Variants in PTPRF observed in about 807,000 individuals in gnomAD.
PTPRF encodes the protein protein tyrosine phosphatase receptor type F.
In PTPRF, 59 loss-of-function variants were observed where a neutral mutation model predicts 201.8. The ratio of observed to expected loss-of-function variants is 0.29; its 90% CI spans 0.24 to 0.36. PTPRF has a LOEUF of 0.36. Ranked by LOEUF, PTPRF falls within the 10% of genes least tolerant of loss-of-function variation. The pLI is 1.00. For missense variants in PTPRF, 2,132 were observed against 2,690.5 expected (o/e 0.79, Z 4.59); for synonymous variants, 1,088 against 1,089.7 (o/e 1.00, Z 0.03).
intron 23 of PTPRF, among the ~76,000 whole-genome samples, chr1:43,615,121 A>G (rs1657423149): frequency 6.6e-6 from 1 of 152,154 alleles, no homozygotes; most frequent in African/African-American, 2.4e-5. Flanking sequence ...CTAGGGCTCA[A>G]AGATTGCCTT....
At chr1:43,613,502 C>T in intron 22 of PTPRF, 116 bp from the exon 23 acceptor site, 1 of 854,476 alleles carries the variant, frequency 1.2e-6, no homozygotes, top group Non-Finnish European at 2.0e-6. Flanking sequence ...GCCACCAGTT[C>T]CAAGTGCTCC....
chr1:43,579,433 TC>T, intron 7 of PTPRF: 1 of 352,050 alleles, frequency 2.8e-6, no homozygotes, highest in South Asian at 2.2e-5. Context: ...TCTGGCCAGG[TC>T]TTCCTGGAGC....
chr1:43,531,668 G>GC (rs11318728), intron 1 of PTPRF, among the ~76,000 whole-genome samples: 4 of 150,214 alleles, frequency 2.7e-5, no homozygotes, highest in South Asian at 2.1e-4. Context: ...CGAGTTTGAA[G>GC]CCCCCCCACC....
rs920329185 is a variant in PTPRF, at chr1:43,623,304, A to G, written c.*1301A>G. On this transcript the variant is annotated 3_prime_UTR_variant, in exon 34 of 34. Coordinates refer to ENST00000359947, the MANE Select transcript of PTPRF (RefSeq NM_002840.5). ...CCTCATAAACCAATGTGGCAAGACT[A>G]CTGGACTTCTATCAATGGTACTCTA... The G allele has an allele frequency of 6.5e-6, 1 of 152,750 alleles. No homozygotes were observed. The highest frequency in any genetic ancestry group is 2.1e-4 in the South Asian group (1 of 4,830). The allele number at this position is 152,750 out of a possible 1,614,324, so 9.5% of individuals were successfully genotyped here.
At chr1:43,524,953 C>A (rs1643054395), upstream of PTPRF, among the ~76,000 whole-genome samples, 1 of 152,200 alleles carries the variant, frequency 6.6e-6, no homozygotes, top group Non-Finnish European at 1.5e-5. Flanking sequence ...GTAGTCCCTG[C>A]TTTAAGGGAA....
rs1223064301 is a variant in PTPRF, at chr1:43,554,129, T to C, written c.379+188T>C. Reference sequence around the variant, plus strand: ...CTGGCCTGGATTGTGCGGCTTATGCTGAGGCCAGCCATGTGGGGCATGATG... The same window carrying C: ...CTGGCCTGGATTGTGCGGCTTATGCCGAGGCCAGCCATGTGGGGCATGATG... On this transcript the variant is annotated intron_variant, in intron 5 of 33. Coordinates refer to ENST00000359947, the MANE Select transcript of PTPRF (RefSeq NM_002840.5). This position sits in a 1 kb window ranked among gnomAD's most constrained non-coding sequence, Gnocchi z 4.1. Among the ~76,000 whole-genome samples, 1 of 152,180 alleles carries C rather than the reference T, an allele frequency of 6.6e-6. No individual in the cohort carries two copies. Among genetic ancestry groups the C allele is most frequent in the Admixed American group, 6.5e-5 (1 of 15,290 alleles).
Position 43,619,694 on chromosome 1 carries a change from C to T in PTPRF, c.4947C>T (p.Ser1649=). 1 of 1,614,094 alleles carries T rather than the reference C, an allele frequency of 6.2e-7. No homozygotes were observed. The highest frequency in any genetic ancestry group is 8.5e-7 in the Non-Finnish European group (1 of 1,179,958). The stretch of plus-strand genomic sequence containing the variant: ...CCTCTCAATAGTTGCTGGCCAGCTC[C>T]AAGGCCCACACGTCCCGCTTCATCA... The part of the protein sequence containing the change: ...MELEFKLLAS[S]KAHTSRFISA... Residue 1649 remains serine, a synonymous_variant, in exon 29 of 34, where the codon TCC becomes TCT. Transcript: ENST00000359947.
At chr1:43,552,448 A>G (rs1645096949) in intron 3 of PTPRF, among the ~76,000 whole-genome samples, 1 of 152,206 alleles carries the variant, frequency 6.6e-6, no homozygotes, top group Admixed American at 6.5e-5. Context: ...GACTAAAGAT[A>G]AAGAACCTGG....
intron 8 of PTPRF, 138 bp downstream of exon 8, chr1:43,589,138 G>A: frequency 9.5e-7 from 1 of 1,049,658 alleles, no homozygotes; most frequent in Non-Finnish European, 1.3e-6. Context: ...CCTGCCCTGG[G>A]GTCCTCCAGC....
At chr1:43,540,625 A>G (rs1644302710) in intron 2 of PTPRF, among the ~76,000 whole-genome samples, 1 of 151,970 alleles carries the variant, frequency 6.6e-6, no homozygotes, top group South Asian at 2.1e-4. Context: ...TCTCTGCGAC[A>G]CTCCTCCTAA....
At position 43,589,672 on chromosome 1, in the gene PTPRF, C is replaced by T. The variant is rs575019667; in HGVS notation, c.949+672C>T. ...AGGAGTTTGAGACCAGCCCAGTTAA[C>T]GTAGTGAGACCCCCATCTCTACGAA... is the stretch of plus-strand genomic sequence containing the variant. On this transcript the variant is annotated intron_variant, in intron 8 of 33. Coordinates refer to ENST00000359947, the MANE Select transcript of PTPRF (RefSeq NM_002840.5). Among the ~76,000 whole-genome samples the T allele has an allele frequency of 5.8e-5, 8 of 138,914 alleles. No individual in the cohort carries two copies. In the South Asian group the frequency reaches 9.2e-4, roughly 16 times the overall value. The allele number at this position is 138,914 out of a possible 152,430, so 91.1% of individuals were successfully genotyped here.
Position 43,552,492 on chromosome 1 carries a change from A to G in PTPRF, c.92-1000A>G, listed in dbSNP as rs74070608. On this transcript the variant is annotated intron_variant, in intron 3 of 33. Coordinates refer to ENST00000359947, the MANE Select transcript of PTPRF (RefSeq NM_002840.5). ...GGGTGCTTGGCAAAGGATTGTCATC[A>G]TCGCACACGTTTCTGTGCCAGGGAC... Among the ~76,000 whole-genome samples the G allele has an allele frequency of 4.0e-3, 613 of 152,342 alleles. 2 individuals carry two copies. Among genetic ancestry groups the G allele is most frequent in the African/African-American group, 0.014 (586 of 41,574 alleles).
intron 7 of PTPRF, among the ~76,000 whole-genome samples, chr1:43,583,320 G>A (rs1648238127): frequency 1.3e-5 from 2 of 152,142 alleles, no homozygotes; most frequent in Non-Finnish European, 2.9e-5. Context: ...GTGTCTGCAT[G>A]TCCCCTTAGC....
intron 8 of PTPRF, among the ~76,000 whole-genome samples, chr1:43,589,356 G>T (rs1222286790): frequency 1.3e-5 from 2 of 151,972 alleles, no homozygotes; most frequent in African/African-American, 4.8e-5. Flanking sequence ...TTGCCCCAGG[G>T]TCACATAAAA....
intron 11 of PTPRF, among the ~76,000 whole-genome samples, chr1:43,597,542 G>A (rs891270873): frequency 2.6e-5 from 4 of 152,128 alleles, no homozygotes; most frequent in African/African-American, 9.7e-5. Flanking sequence ...GTGAGAGAGG[G>A]AAGGAGAGAG....
At chr1:43,599,505 T>C (rs528619458) in intron 13 of PTPRF, among the ~76,000 whole-genome samples, 1 of 152,306 alleles carries the variant, frequency 6.6e-6, no homozygotes, top group South Asian at 2.1e-4. Flanking sequence ...CCGTGGTTGC[T>C]GCAAAGCTCT....
intron 3 of PTPRF, among the ~76,000 whole-genome samples, chr1:43,551,519 C>T (rs1645037032): frequency 6.6e-6 from 1 of 152,034 alleles, no homozygotes; most frequent in Non-Finnish European, 1.5e-5. Context: ...AGCTGGCTGC[C>T]CGAGCCTGCC....
rs1207150961 is a variant in PTPRF at position 43,605,677 on chromosome 1, G to A, written c.3483+55G>A. On this transcript the variant is annotated intron_variant, in intron 19 of 33. Transcript: ENST00000359947. ...AGCCCCATTGCAGTGGTCAGCTGTG[G>A]CCTTCCTGCCCTGAGCACTGTCCCA... 3.9e-6 allele frequency: 6 copies of A among 1,524,126 alleles called. No homozygotes were observed. In the African/African-American group the frequency reaches 6.8e-5, roughly 17 times the overall value. 94.4% of individuals were successfully genotyped at this position (1,524,126 alleles called of 1,614,324 possible). A position where few individuals can be genotyped will look rare whatever the true frequency, so the allele number is the denominator to read the frequency against.
chr1:43,555,243 A>C (rs1645281323), intron 5 of PTPRF, among the ~76,000 whole-genome samples: 1 of 152,126 alleles, frequency 6.6e-6, no homozygotes, highest in Non-Finnish European at 1.5e-5. Context: ...GAAAAAATTA[A>C]AATGTCTCAG....
Sources: allele counts gnomAD v4.1 joint callset (sites outside exome capture counted in the v4.1 genomes callset), GRCh38; gene constraint gnomAD v4.1.1; non-coding constraint Gnocchi (gnomAD v3.1); transcripts MANE v1.5; gene names NCBI Gene and HGNC (gene_info 2026-07-23, HGNC 2026-07-21).